The following SYNE1 variants were observed in gnomAD, a reference collection of about 807,000 sequenced individuals.
The protein encoded by SYNE1 is nesprin-1.
SYNE1 carries 616 observed loss-of-function variants against 1,111.0 expected under a neutral mutation model. The ratio of observed to expected loss-of-function variants is 0.55; its 90% CI spans 0.52 to 0.59. The LOEUF is 0.59. Among genes scored for constraint, SYNE1 ranks in the 20% least tolerant of loss-of-function variants. The pLI, the probability that SYNE1 is intolerant of heterozygous loss-of-function variation, is 0.00. For synonymous variants in SYNE1, 3,855 were observed against 3,825.8 expected, an observed-to-expected ratio of 1.01 and a Z score of -0.28; for missense variants, 10,006 against 10,417.0, an observed-to-expected ratio of 0.96 and a Z score of 1.72.
At chr6:152,448,336 G>A (rs2098610808) in intron 28 of SYNE1, among the ~76,000 whole-genome samples, 2 of 152,264 alleles carry the variant, frequency 1.3e-5, no homozygotes, top group East Asian at 3.9e-4. Flanking sequence ...CAAGAGCAGG[G>A]GTCCCCAACC....
chr6:152,580,423 G>C (rs191811968), intron 3 of SYNE1, among the ~76,000 whole-genome samples: 168 of 152,250 alleles, frequency 1.1e-3, no homozygotes, highest in Admixed American at 3.3e-3. Flanking sequence ...ATCTTTGTCA[G>C]ATGCATGGTT....
intron 130 of SYNE1, among the ~76,000 whole-genome samples, chr6:152,169,994 C>A (rs2064777580): frequency 6.6e-6 from 1 of 151,810 alleles, no homozygotes; most frequent in Non-Finnish European, 1.5e-5. Context: ...ATGAATCTAC[C>A]ACTATAGGCA....
intron 4 of SYNE1, among the ~76,000 whole-genome samples, chr6:152,539,176 T>C (rs2127981323): frequency 6.6e-6 from 1 of 151,504 alleles, no homozygotes; most frequent in East Asian, 1.9e-4. Context: ...AACCAATTAT[T>C]GACTTGAAGG....
intron 127 of SYNE1, among the ~76,000 whole-genome samples, chr6:152,198,995 A>C (rs9479261): frequency 2.6e-5 from 4 of 151,274 alleles, no homozygotes; most frequent in Non-Finnish European, 5.9e-5. Context: ...AAAAAAAAAA[A>C]AAAAAACCAA....
chr6:152,142,192 G>C (rs1204371377), intron 138 of SYNE1, among the ~76,000 whole-genome samples: 1 of 152,098 alleles, frequency 6.6e-6, no homozygotes, highest in Non-Finnish European at 1.5e-5. Context: ...GATTTTGCAC[G>C]AGAAGTCCTT....
chr6:152,176,270 G>C, intron 130 of SYNE1, 124 bp downstream of exon 130: 1 of 1,377,446 alleles, frequency 7.3e-7, no homozygotes, highest in Middle Eastern at 2.6e-4. Flanking sequence ...GAACAGTTTT[G>C]AAAATGGTGA....
chr6:152,388,220 T>TC lies in SYNE1; in HGVS notation c.8178-840dup, dbSNP rs1346118177. Among the ~76,000 whole-genome samples the TC allele has an allele frequency of 3.3e-5, 5 of 151,962 alleles. 1 individual carries two copies. The South Asian group carries it at 6.2e-4, about 19-fold the overall frequency. ...ATGCAGGCTTTACAGTCCTACCTGT[T>TC]CCTCAAATAATTTTCTAAAAAGCAC... On this transcript the variant is annotated intron_variant, in intron 53 of 145. Transcript: ENST00000367255.
chr6:152,214,869 C>T (rs1314127844), intron 122 of SYNE1, 37 bp downstream of exon 122: 1 of 1,613,408 alleles, frequency 6.2e-7, no homozygotes, highest in Admixed American at 1.7e-5. Flanking sequence ...CAGACTAAGA[C>T]AACTGGAGCA....
intron 10 of SYNE1, among the ~76,000 whole-genome samples, chr6:152,501,787 G>T (rs917901846): frequency 1.3e-5 from 2 of 150,324 alleles, no homozygotes; most frequent in African/African-American, 4.9e-5. Context: ...TTACAAGATT[G>T]TTCATAAAAG....
At chr6:152,501,149 G>A (rs1187511142) in intron 10 of SYNE1, among the ~76,000 whole-genome samples, 2 of 151,934 alleles carry the variant, frequency 1.3e-5, no homozygotes, top group African/African-American at 4.8e-5. Context: ...AGGAAGAAAG[G>A]AGAAAGGAAG....
At chr6:152,326,253 A>G (rs199866067) in intron 79 of SYNE1, 43 bp downstream of exon 79, 51 of 1,613,422 alleles carry the variant, frequency 3.2e-5, no homozygotes, top group Non-Finnish European at 4.0e-5. Context: ...CAGTGTGGAA[A>G]TTCATTTCAC....
intron 145 of SYNE1, chr6:152,129,534 A>G (rs1159809343): frequency 6.8e-6 from 1 of 147,952 alleles, no homozygotes; most frequent in Admixed American, 6.9e-5. Flanking sequence ...TCCATACTTT[A>G]TTATTGCTAT....
intron 95 of SYNE1, among the ~76,000 whole-genome samples, chr6:152,289,319 CAT>C (rs2094470388): frequency 6.6e-6 from 1 of 152,196 alleles, no homozygotes; most frequent in Non-Finnish European, 1.5e-5. Flanking sequence ...GCTTCTCTAA[CAT>C]AAAAACTCTT....
intron 131 of SYNE1, among the ~76,000 whole-genome samples, chr6:152,161,062 T>A (rs926702163): frequency 1.3e-5 from 2 of 151,030 alleles, no homozygotes; most frequent in African/African-American, 4.9e-5. Flanking sequence ...ATAAACATAA[T>A]AAAATTAACA....
intron 128 of SYNE1, among the ~76,000 whole-genome samples, chr6:152,186,970 T>C (rs933749272): frequency 7.9e-5 from 12 of 152,212 alleles, no homozygotes; most frequent in Non-Finnish European, 1.3e-4. Flanking sequence ...AATTATAGGA[T>C]GATTTACTGT....
In SYNE1 at chr6:152,321,713, TTTTGTACCTGAAGTTCTTCA is replaced by T; in HGVS notation, c.16071_16083+7del. 1 of 1,614,014 alleles carries T rather than the reference TTTTGTACCTGAAGTTCTTCA, an allele frequency of 6.2e-7. No homozygotes were observed. The highest frequency in any genetic ancestry group is 8.5e-7 in the Non-Finnish European group (1 of 1,179,928). ...ATGGGTAAAGAGAATGAGGAGACTTTTTTGTACCTGAAGTTCTTCAAGTTGAGCATCTATTTCTATTGTTG... is the reference window on the plus strand; with the variant it reads ...ATGGGTAAAGAGAATGAGGAGACTTTAGTTGAGCATCTATTTCTATTGTTG... On this transcript the variant is annotated splice_donor_variant and splice_donor_5th_base_variant and coding_sequence_variant and intron_variant, in exon 83 of 146. Coordinates refer to ENST00000367255, the MANE Select transcript of SYNE1 (RefSeq NM_182961.4). LOFTEE classifies it high-confidence loss of function.
intron 53 of SYNE1, among the ~76,000 whole-genome samples, chr6:152,389,134 A>T (rs1483783622): frequency 6.6e-6 from 1 of 152,204 alleles, no homozygotes; most frequent in Non-Finnish European, 1.5e-5. Context: ...TTTTGTTCAC[A>T]TTGCCGTGGA....
Position 152,213,594 on chromosome 6 carries a change from T to C in SYNE1, c.22494+18A>G. 6.2e-7 allele frequency: 1 copy of C among 1,613,990 alleles called. No homozygotes were observed. On this transcript the variant is annotated intron_variant, in intron 123 of 145. Transcript: ENST00000367255. ...CTAAAAATTTCTTATTACCCCCAAA[T>C]CTACTGATACAACTTACCTCGTGTG...
intron 142 of SYNE1, chr6:152,134,687 C>T (rs2056655892): frequency 4.6e-6 from 1 of 216,740 alleles, no homozygotes; most frequent in East Asian, 1.3e-4. Flanking sequence ...TCTCAAAAAA[C>T]AACGACAACA....
Sources: gnomAD v4.1 joint callset for allele counts (sites outside exome capture counted in the v4.1 genomes callset) on GRCh38, gnomAD v4.1.1 for gene constraint, MANE v1.5 for transcripts, NCBI Gene and HGNC (gene_info 2026-07-23, HGNC 2026-07-21) for gene names.